Variants in MYRIP observed in about 807,000 individuals in gnomAD.
MYRIP encodes myosin VIIA and Rab interacting protein.
MYRIP carries 49 observed loss-of-function variants against 98.0 expected under a neutral mutation model. That is an observed-to-expected ratio of 0.50 (90% CI 0.40 to 0.63). MYRIP has a LOEUF of 0.63. MYRIP is among the 30% of genes least tolerant of loss of function. The pLI is 0.00. For missense variants in MYRIP, 1,004 were observed against 1,058.2 expected (o/e 0.95, Z 0.71); for synonymous variants, 404 against 409.5 (o/e 0.99, Z 0.16).
chr3:40,095,761 CCTTTCCCT>C lies in MYRIP; in HGVS notation c.332+51500_332+51507del, dbSNP rs918550878. 6.5e-4 allele frequency among the ~76,000 whole-genome samples: 99 copies of C among 151,736 alleles called. No individual in the cohort carries two copies. In the Middle Eastern group the frequency reaches 0.01, roughly 16 times the overall value. The stretch of plus-strand genomic sequence containing the variant: ...CGATTCTGCCCTTCCTCCCTCTTTC[CCTTTCCCT>C]CTTTCCCTCACAGTATGCTGTCACA... On this transcript the variant is annotated intron_variant, in intron 3 of 16. Coordinates refer to ENST00000302541, the MANE Select transcript of MYRIP (RefSeq NM_015460.4).
intron 1 of MYRIP, among the ~76,000 whole-genome samples, chr3:39,850,515 CTAAG>C (rs1325860755): frequency 1.3e-5 from 2 of 152,288 alleles, no homozygotes. Context: ...CATATAAATT[CTAAG>C]TAAGTACCTG....
chr3:39,840,476 G>A lies in MYRIP; in HGVS notation c.-31+30560G>A, dbSNP rs540680350. 1.4e-3 allele frequency among the ~76,000 whole-genome samples: 208 copies of A among 152,284 alleles called. 5 individuals are homozygous for A. In the South Asian group the frequency reaches 0.042, roughly 31 times the overall value. ...GGCATTTAGCCCGTTTACATTTAAG[G>A]TTAGTATTGTTATGTGTGAATTTGA... is the stretch of plus-strand genomic sequence containing the variant. On this transcript the variant is annotated intron_variant, in intron 1 of 16. Transcript: ENST00000302541.
chr3:40,074,055 T>G (rs909706621), intron 3 of MYRIP, among the ~76,000 whole-genome samples: 2 of 151,488 alleles, frequency 1.3e-5, no homozygotes, highest in Admixed American at 1.3e-4. Flanking sequence ...GACTGAAATA[T>G]TTCTGCTTGA....
chr3:40,221,770 C>T (rs531959083), intron 11 of MYRIP, among the ~76,000 whole-genome samples: 8 of 152,182 alleles, frequency 5.3e-5, no homozygotes, highest in Admixed American at 1.3e-4. Flanking sequence ...ACCCTTTGAT[C>T]TGGCAATTGT....
intron 8 of MYRIP, among the ~76,000 whole-genome samples, chr3:40,177,670 T>A (rs189197894): frequency 1.1e-3 from 172 of 152,340 alleles, no homozygotes; most frequent in Non-Finnish European, 1.9e-3. Context: ...TTTCAAAGCC[T>A]TAAGACGCAA....
At chr3:39,844,032 A>G (rs1941888233) in intron 1 of MYRIP, among the ~76,000 whole-genome samples, 3 of 152,168 alleles carry the variant, frequency 2.0e-5, no homozygotes, top group Admixed American at 1.3e-4. Flanking sequence ...CATCTTGTCT[A>G]CTTGATTATT....
chr3:39,812,247 G>A (rs1017448596), intron 1 of MYRIP, among the ~76,000 whole-genome samples: 1 of 151,984 alleles, frequency 6.6e-6, no homozygotes, highest in African/African-American at 2.4e-5. Flanking sequence ...AGTTTTATCA[G>A]GTTAGTTTTA....
chr3:40,099,751 T>C (rs1948906945), intron 3 of MYRIP, among the ~76,000 whole-genome samples: 1 of 152,338 alleles, frequency 6.6e-6, no homozygotes, highest in Admixed American at 6.5e-5. Flanking sequence ...GCAAACCTCA[T>C]AGTCTGTGAC....
intron 2 of MYRIP, among the ~76,000 whole-genome samples, chr3:40,023,465 G>T (rs1163308719): frequency 6.6e-6 from 1 of 151,786 alleles, no homozygotes; most frequent in Non-Finnish European, 1.5e-5. Context: ...GGAGGAAAGA[G>T]TGTTTAAGTA....
At chr3:40,029,093 A>G (rs1017631263) in intron 2 of MYRIP, among the ~76,000 whole-genome samples, 3 of 152,164 alleles carry the variant, frequency 2.0e-5, no homozygotes, top group African/African-American at 7.2e-5. Context: ...TGGATGTTTT[A>G]TCCTATTTAA....
chr3:40,225,457 G>A (rs1284832424), intron 11 of MYRIP, among the ~76,000 whole-genome samples: 1 of 152,196 alleles, frequency 6.6e-6, no homozygotes, highest in South Asian at 2.1e-4. Flanking sequence ...TCACTGGTCT[G>A]ATTGTGCACT....
chr3:40,158,520 T>G (rs1446437829), intron 4 of MYRIP, among the ~76,000 whole-genome samples: 2 of 152,242 alleles, frequency 1.3e-5, no homozygotes, highest in Admixed American at 1.3e-4. Flanking sequence ...GTGTGCTTGG[T>G]GCAGAGCTGA....
chr3:39,877,892 A>C (rs1044633907), intron 1 of MYRIP, among the ~76,000 whole-genome samples: 75 of 151,818 alleles, frequency 4.9e-4, no homozygotes, highest in Admixed American at 2.0e-3. Flanking sequence ...ACAGGGACAT[A>C]TAAGTCTGCA....
At chr3:40,140,971 C>T (rs890498660) in intron 3 of MYRIP, among the ~76,000 whole-genome samples, 1 of 152,084 alleles carries the variant, frequency 6.6e-6, no homozygotes, top group African/African-American at 2.4e-5. Flanking sequence ...TGACTATAGT[C>T]ACCCTGTTGT....
At chr3:40,163,825 CTA>C (rs1158138620) in intron 5 of MYRIP, among the ~76,000 whole-genome samples, 1 of 152,066 alleles carries the variant, frequency 6.6e-6, no homozygotes, top group Non-Finnish European at 1.5e-5. Context: ...TATTTTATAT[CTA>C]TATATATCCT....
chr3:40,065,680 T>C (rs1039807014), intron 3 of MYRIP, among the ~76,000 whole-genome samples: 1 of 152,208 alleles, frequency 6.6e-6, no homozygotes, highest in African/African-American at 2.4e-5. Context: ...AAGAGGTAGA[T>C]GCTTTAATCT....
At chr3:39,901,097 A>T (rs372116751) in intron 2 of MYRIP, among the ~76,000 whole-genome samples, 171 bp downstream of exon 2, 1 of 152,356 alleles carries the variant, frequency 6.6e-6, no homozygotes, top group East Asian at 1.9e-4. Flanking sequence ...ATGTCAGTTC[A>T]GAAATGTGTT....
At chr3:40,122,290 A>G (rs1405166438) in intron 3 of MYRIP, among the ~76,000 whole-genome samples, 1 of 151,928 alleles carries the variant, frequency 6.6e-6, no homozygotes, top group Non-Finnish European at 1.5e-5. Context: ...CAATTATTAT[A>G]GGGAAAGTAC....
rs554760643 is a variant in MYRIP at position 40,087,651 on chromosome 3, A to G, written c.332+43380A>G. ...TGATTTGTAGTGTTTGCCGATTTCC[A>G]CTATGTAAATACTACTACCTTGTAC... On this transcript the variant is annotated intron_variant, in intron 3 of 16. Transcript: ENST00000302541. Among the ~76,000 whole-genome samples, 181 of 152,300 alleles carry G rather than the reference A, an allele frequency of 1.2e-3. 2 individuals are homozygous for G. The South Asian group carries it at 0.035, about 29-fold the overall frequency.
Sources: gnomAD v4.1 joint callset for allele counts (sites outside exome capture counted in the v4.1 genomes callset) on GRCh38, gnomAD v4.1.1 for gene constraint, MANE v1.5 for transcripts, NCBI Gene and HGNC (gene_info 2026-07-23, HGNC 2026-07-21) for gene names.